HAT1: variants seen among roughly 807,000 people sequenced by gnomAD.
HAT1 encodes histone acetyltransferase type B catalytic subunit.
Under a neutral mutation model 56.6 loss-of-function variants are expected in HAT1, and 20 were observed. The ratio of observed to expected loss-of-function variants is 0.35; its 90% CI spans 0.25 to 0.51. The LOEUF (loss-of-function observed/expected upper bound fraction) is 0.51, where lower values mean the gene tolerates loss of function less well. Ranked by LOEUF, HAT1 falls within the 20% of genes least tolerant of loss-of-function variation. HAT1 has a pLI of 0.95. For synonymous variants in HAT1, 146 were observed against 165.5 expected (o/e 0.88, Z 0.91); for missense variants, 408 against 504.3 (o/e 0.81, Z 1.83).
intron 2 of HAT1, among the ~76,000 whole-genome samples, chr2:171,938,025 T>TCTCTCTCTCTCTCTC (rs1686914974): frequency 1.7e-4 from 1 of 5,998 alleles, no homozygotes; most frequent in East Asian, 3.7e-3. Flanking sequence ...GTCTACTGAT[T>TCTCTCTCTCTCTCTC]CTCTCTCTCT....
intron 8 of HAT1, among the ~76,000 whole-genome samples, chr2:171,971,025 C>T (rs1574064180): frequency 6.6e-6 from 1 of 151,678 alleles, no homozygotes; most frequent in South Asian, 2.1e-4. Context: ...ATGGTGAAAC[C>T]CTGTCTCTAC....
At chr2:171,972,924 TGA>T (rs1477243443) in intron 8 of HAT1, among the ~76,000 whole-genome samples, 2 of 152,244 alleles carry the variant, frequency 1.3e-5, no homozygotes, top group African/African-American at 4.8e-5. Flanking sequence ...CTTCTTTTCT[TGA>T]AATCTCCTTT....
rs1469049515 is a variant in HAT1, at chr2:171,966,861, T to C, written c.735T>C (p.Thr245=). Residue 245 remains threonine (T), a synonymous_variant, in exon 8 of 11, where the codon ACT becomes ACC. Transcript: ENST00000264108. ...ACTGTAGTCAGATGCTGATTTTGAC[T>C]CCATTTCAAGGTCAAGGCCATGGTG... ...RPRVSQMLIL[T]PFQGQGHGAQ... The C allele has an allele frequency of 1.9e-6, 3 of 1,564,484 alleles. No individual in the cohort carries two copies. The highest frequency in any genetic ancestry group is 2.6e-6 in the Non-Finnish European group (3 of 1,137,314).
chr2:171,924,348 C>T (rs532765894), intron 1 of HAT1: 1 of 152,194 alleles, frequency 6.6e-6, no homozygotes, highest in Admixed American at 6.5e-5. Flanking sequence ...AGTCACGCGC[C>T]ACCACGTCCA....
intron 2 of HAT1, among the ~76,000 whole-genome samples, chr2:171,940,257 C>G (rs1686986060): frequency 6.6e-6 from 1 of 152,218 alleles, no homozygotes; most frequent in Admixed American, 6.5e-5. Context: ...TATTCTCATG[C>G]ACATCCTCCT....
chr2:171,953,819 AC>A (rs1687374473), intron 4 of HAT1, among the ~76,000 whole-genome samples: 1 of 151,580 alleles, frequency 6.6e-6, no homozygotes, highest in Admixed American at 6.6e-5. Context: ...ACATGGTGAA[AC>A]CCCGTCTCTA....
intron 2 of HAT1, among the ~76,000 whole-genome samples, chr2:171,936,419 A>G (rs1401162310): frequency 6.6e-6 from 1 of 152,204 alleles, no homozygotes; most frequent in Non-Finnish European, 1.5e-5. Flanking sequence ...ATAGGAGAGC[A>G]TTTGATAAAG....
intron 8 of HAT1, among the ~76,000 whole-genome samples, chr2:171,969,003 G>A (rs983999893): frequency 6.6e-6 from 1 of 152,128 alleles, no homozygotes; most frequent in African/African-American, 2.4e-5. Context: ...GGTGTTTGTG[G>A]TATAATTGCC....
intron 1 of HAT1, chr2:171,924,781 A>G (rs1300563111): frequency 6.6e-6 from 1 of 152,160 alleles, no homozygotes; most frequent in Admixed American, 6.5e-5. Flanking sequence ...GAGACATTCC[A>G]TGCATTATCA....
Position 171,946,760 on chromosome 2 carries a change from T to C in HAT1, c.165T>C (p.Tyr55=). ...ACATTAGAACTTTCTTTCCTGAGTA[T>C]ACCCATCAACTCTTTGGGGATGAGT... ...ENDIRTFFPE[Y]THQLFGDDET... Residue 55 remains tyrosine (Y), a synonymous_variant, in exon 3 of 11, where the codon TAT becomes TAC. Transcript: ENST00000264108. 1 of 1,566,338 alleles carries C rather than the reference T, an allele frequency of 6.4e-7. No individual in the cohort carries two copies. Among genetic ancestry groups the C allele is most frequent in the Non-Finnish European group, 8.7e-7 (1 of 1,143,080 alleles).
intron 2 of HAT1, among the ~76,000 whole-genome samples, chr2:171,935,988 A>G (rs1686863493): frequency 6.6e-6 from 1 of 152,184 alleles, no homozygotes; most frequent in South Asian, 2.1e-4. Context: ...TTAAGGAGGT[A>G]TAATTGTCAA....
At chr2:171,954,064 A>G (rs1397400933) in intron 4 of HAT1, among the ~76,000 whole-genome samples, 1 of 152,214 alleles carries the variant, frequency 6.6e-6, no homozygotes, top group Non-Finnish European at 1.5e-5. Context: ...CCTCCCTGTC[A>G]TTACAGTTAA....
At chr2:171,938,348 A>G (rs1020976219) in intron 2 of HAT1, among the ~76,000 whole-genome samples, 1 of 152,188 alleles carries the variant, frequency 6.6e-6, no homozygotes, top group Admixed American at 6.6e-5. Context: ...TTAGTGGAAG[A>G]CAATTTTTCT....
At chr2:171,953,347 A>G (rs1398916470) in intron 4 of HAT1, among the ~76,000 whole-genome samples, 1 of 151,936 alleles carries the variant, frequency 6.6e-6, no homozygotes. Flanking sequence ...CCCTGTCTCA[A>G]AAACAAAACA....
intron 8 of HAT1, among the ~76,000 whole-genome samples, chr2:171,969,738 T>C (rs1344872456): frequency 6.6e-6 from 1 of 152,210 alleles, no homozygotes; most frequent in Admixed American, 6.5e-5. Flanking sequence ...TTTTTTTGCA[T>C]GTTTTTTGAC....
Position 171,983,165 on chromosome 2 carries a change from A to G in HAT1, c.1093-20A>G, listed in dbSNP as rs771404264. 1.4e-5 allele frequency: 21 copies of G among 1,465,726 alleles called. No individual in the cohort carries two copies. The highest frequency in any genetic ancestry group is 1.7e-5 in the Non-Finnish European group (18 of 1,081,706). 90.8% of individuals were successfully genotyped at this position (1,465,726 alleles called of 1,614,324 possible). A position where few individuals can be genotyped will look rare whatever the true frequency, so the allele number is the denominator to read the frequency against. The stretch of plus-strand genomic sequence containing the variant: ...ATATATTTACTTTCTTCGTCTAACA[A>G]ATAATTGTTTGTCACTTAGAAAAAG... On this transcript the variant is annotated intron_variant, in intron 10 of 10. Coordinates refer to ENST00000264108, the MANE Select transcript of HAT1 (RefSeq NM_003642.4).
intron 4 of HAT1, among the ~76,000 whole-genome samples, chr2:171,962,574 AT>A (rs1388969324): frequency 2.0e-5 from 3 of 152,098 alleles, no homozygotes; most frequent in Non-Finnish European, 4.4e-5. Flanking sequence ...TTGTATTTTT[AT>A]TAGAGACAGG....
intron 4 of HAT1, among the ~76,000 whole-genome samples, chr2:171,953,626 TAAAAAA>T (rs587686867): frequency 4.4e-4 from 37 of 84,612 alleles, no homozygotes; most frequent in Admixed American, 2.3e-3. Context: ...CCCTGTCTCT[TAAAAAA>T]AAAAAAAAAA....
At chr2:171,939,412 A>C (rs565959347) in intron 2 of HAT1, among the ~76,000 whole-genome samples, 12 of 152,340 alleles carry the variant, frequency 7.9e-5, no homozygotes, top group African/African-American at 2.2e-4. Flanking sequence ...TGATAGATCA[A>C]GTTTGTTAAA....
Sources: allele counts gnomAD v4.1 joint callset (sites outside exome capture counted in the v4.1 genomes callset), GRCh38; gene constraint gnomAD v4.1.1; transcripts MANE v1.5; gene names NCBI Gene and HGNC (gene_info 2026-07-23, HGNC 2026-07-21).